KCNJ3: variants seen among roughly 807,000 people sequenced by gnomAD.
KCNJ3 encodes G protein-activated inward rectifier potassium channel 1.
KCNJ3 carries 4 observed loss-of-function variants against 39.2 expected under a neutral mutation model. That is an observed-to-expected ratio of 0.10 (90% CI 0.05 to 0.23). KCNJ3 has a LOEUF of 0.23. Among genes scored for constraint, KCNJ3 ranks in the 10% least tolerant of loss-of-function variants. The pLI is 1.00. For synonymous variants in KCNJ3, 230 were observed against 237.4 expected, an observed-to-expected ratio of 0.97 and a Z score of 0.29; for missense variants, 276 against 634.9, an observed-to-expected ratio of 0.43 and a Z score of 6.08.
In KCNJ3 at chr2:154,725,074, A is replaced by G. The variant is rs910331737; in HGVS notation, c.919+15255A>G. On this transcript the variant is annotated intron_variant, in intron 2 of 2. Transcript: ENST00000295101. ...CATGTTTCAAAAATAATTTTCTTAGACATTCAAATATCTCCTTCAAGAAAT... is the reference window on the plus strand; with the variant it reads ...CATGTTTCAAAAATAATTTTCTTAGGCATTCAAATATCTCCTTCAAGAAAT... Among the ~76,000 whole-genome samples the G allele has an allele frequency of 2.6e-5, 4 of 151,268 alleles. No individual in the cohort carries two copies. The East Asian group carries it at 5.8e-4, about 22-fold the overall frequency.
chr2:154,734,952 T>G (rs1262269679), intron 2 of KCNJ3, among the ~76,000 whole-genome samples: 1 of 152,146 alleles, frequency 6.6e-6, no homozygotes, highest in Non-Finnish European at 1.5e-5. Flanking sequence ...AGGGAGACAT[T>G]TTTTCCTCCC....
At chr2:154,839,350 T>C (rs1039579325) in intron 2 of KCNJ3, among the ~76,000 whole-genome samples, 17 of 152,200 alleles carry the variant, frequency 1.1e-4, no homozygotes, top group African/African-American at 4.1e-4. Context: ...GACATTTGGG[T>C]TGGTTCCAAG....
chr2:154,765,744 A>G (rs1019785432), intron 2 of KCNJ3, among the ~76,000 whole-genome samples: 20 of 152,222 alleles, frequency 1.3e-4, no homozygotes, highest in Non-Finnish European at 1.8e-4. Flanking sequence ...TTAATCTTCA[A>G]AGAAAATACA....
At chr2:154,727,563 A>G (rs1035542399) in intron 2 of KCNJ3, among the ~76,000 whole-genome samples, 2 of 143,090 alleles carry the variant, frequency 1.4e-5, no homozygotes, top group Non-Finnish European at 3.0e-5. Flanking sequence ...ATTGCACTCC[A>G]ACCTGGGAAG....
At chr2:154,762,447 G>A (rs1686061776) in intron 2 of KCNJ3, among the ~76,000 whole-genome samples, 1 of 152,098 alleles carries the variant, frequency 6.6e-6, no homozygotes, top group African/African-American at 2.4e-5. Context: ...TGGAGAGTGG[G>A]CCAGGATTTA....
At position 154,795,912 on chromosome 2, in the gene KCNJ3, T is replaced by C. The variant is rs571132173; in HGVS notation, c.920-58815T>C. ...GACGAGTTGGATTTCCCCAGTGGAG[T>C]ATGAATGACAGTAACTCAAACTCTA... On this transcript the variant is annotated intron_variant, in intron 2 of 2. Transcript: ENST00000295101. Among the ~76,000 whole-genome samples, 20 of 152,136 alleles carry C rather than the reference T, an allele frequency of 1.3e-4. No homozygotes were observed. In the East Asian group the frequency reaches 3.9e-3, roughly 29 times the overall value.
intron 2 of KCNJ3, among the ~76,000 whole-genome samples, chr2:154,753,591 T>C (rs1685885772): frequency 6.6e-6 from 1 of 152,160 alleles, no homozygotes; most frequent in African/African-American, 2.4e-5. Flanking sequence ...TGGTTTCTTA[T>C]AGCTACATGG....
intron 2 of KCNJ3, among the ~76,000 whole-genome samples, chr2:154,768,371 T>G (rs1168462282): frequency 6.6e-6 from 1 of 152,188 alleles, no homozygotes; most frequent in African/African-American, 2.4e-5. Context: ...GTATAAGGTG[T>G]AAGGAAGGGA....
chr2:154,799,864 G>GA (rs1444710606), intron 2 of KCNJ3, among the ~76,000 whole-genome samples: 4 of 152,124 alleles, frequency 2.6e-5, no homozygotes, highest in Non-Finnish European at 5.9e-5. Flanking sequence ...CATCCCTCAA[G>GA]AAGCTTACAT....
intron 2 of KCNJ3, among the ~76,000 whole-genome samples, chr2:154,779,677 G>A (rs1020727530): frequency 6.6e-6 from 1 of 151,420 alleles, no homozygotes; most frequent in Non-Finnish European, 1.5e-5. Context: ...CCGAGTAGCT[G>A]GGGCTACAGG....
chr2:154,829,069 A>G (rs897249420), intron 2 of KCNJ3, among the ~76,000 whole-genome samples: 1 of 152,164 alleles, frequency 6.6e-6, no homozygotes, highest in African/African-American at 2.4e-5. Flanking sequence ...GGTTAAAAAT[A>G]TCTGTGGGAC....
intron 2 of KCNJ3, among the ~76,000 whole-genome samples, chr2:154,721,212 C>T (rs752053208): frequency 1.6e-4 from 25 of 152,012 alleles, no homozygotes; most frequent in East Asian, 7.7e-4. Flanking sequence ...TAATCTTTTA[C>T]GCAAAAGGTC....
chr2:154,789,946 G>A (rs1318736921), intron 2 of KCNJ3, among the ~76,000 whole-genome samples: 1 of 152,050 alleles, frequency 6.6e-6, no homozygotes, highest in Non-Finnish European at 1.5e-5. Context: ...ATAGGAATAT[G>A]ATGTATAATA....
intron 2 of KCNJ3, among the ~76,000 whole-genome samples, chr2:154,799,262 C>G (rs1396776385): frequency 6.6e-6 from 1 of 152,078 alleles, no homozygotes; most frequent in South Asian, 2.1e-4. Context: ...CTCCCCGTAG[C>G]TGGGATAGCT....
intron 2 of KCNJ3, among the ~76,000 whole-genome samples, chr2:154,833,467 A>G (rs1558885858): frequency 6.6e-6 from 1 of 151,980 alleles, no homozygotes; most frequent in Non-Finnish European, 1.5e-5. Context: ...CCCAATCTCT[A>G]CTCCAGCTTC....
chr2:154,735,062 T>C (rs976461169), intron 2 of KCNJ3, among the ~76,000 whole-genome samples: 1 of 144,384 alleles, frequency 6.9e-6, no homozygotes, highest in Non-Finnish European at 1.5e-5. Context: ...CCACTCCCCT[T>C]GTAGGCCTGT....
chr2:154,809,637 C>G (rs2105100367), intron 2 of KCNJ3, among the ~76,000 whole-genome samples: 1 of 152,224 alleles, frequency 6.6e-6, no homozygotes, highest in Middle Eastern at 3.4e-3. Context: ...CTATCATAGG[C>G]AGAAAGGTCC....
At chr2:154,796,200 A>G (rs1298381644) in intron 2 of KCNJ3, among the ~76,000 whole-genome samples, 3 of 152,146 alleles carry the variant, frequency 2.0e-5, no homozygotes, top group Non-Finnish European at 2.9e-5. Flanking sequence ...GCTGAGGTAC[A>G]GTGTCTATTT....
rs1212348210 is a variant in KCNJ3, at chr2:154,767,106, G to A, written c.919+57287G>A. ...TAATTTTCACTCATTTGTACCACAG[G>A]TTTCAAAAATGGAATTGTAATTAAA... On this transcript the variant is annotated intron_variant, in intron 2 of 2. Transcript: ENST00000295101. Among the ~76,000 whole-genome samples the A allele has an allele frequency of 2.0e-5, 3 of 151,936 alleles. No individual in the cohort carries two copies. In the South Asian group the frequency reaches 6.2e-4, roughly 32 times the overall value.
Sources: gnomAD v4.1 joint callset for allele counts (sites outside exome capture counted in the v4.1 genomes callset) on GRCh38, gnomAD v4.1.1 for gene constraint, MANE v1.5 for transcripts, NCBI Gene and HGNC (gene_info 2026-07-23, HGNC 2026-07-21) for gene names.